YIPF4: variants seen among roughly 807,000 people sequenced by gnomAD.
YIPF4 encodes the protein Yip1 domain family member 4.
Under a neutral mutation model 29.4 loss-of-function variants are expected in YIPF4, and 18 were observed. The ratio of observed to expected loss-of-function variants is 0.61; its 90% CI spans 0.42 to 0.91. The LOEUF is 0.91. YIPF4 is among the 40% of genes least tolerant of loss of function. The pLI, the probability that YIPF4 is intolerant of heterozygous loss-of-function variation, is 0.00. For synonymous variants in YIPF4, 115 were observed against 104.7 expected, an observed-to-expected ratio of 1.10 and a Z score of -0.60; for missense variants, 279 against 282.7, an observed-to-expected ratio of 0.99 and a Z score of 0.09.
At chr2:32,294,823 C>G (rs914142984) in intron 3 of YIPF4, among the ~76,000 whole-genome samples, 2 of 152,206 alleles carry the variant, frequency 1.3e-5, no homozygotes, top group African/African-American at 2.4e-5. Context: ...CCGGCACCTC[C>G]GGAGGCCGAG....
At chr2:32,294,623 T>C (rs2031094361) in intron 3 of YIPF4, among the ~76,000 whole-genome samples, 3 of 137,288 alleles carry the variant, frequency 2.2e-5, no homozygotes, top group Admixed American at 7.3e-5. Flanking sequence ...TCCCAGACGA[T>C]GGGCGGCCAG....
chr2:32,289,106 C>T (rs1248438082), intron 1 of YIPF4, among the ~76,000 whole-genome samples: 1 of 152,146 alleles, frequency 6.6e-6, no homozygotes, highest in East Asian at 1.9e-4. Context: ...ATAACATGTA[C>T]AGGGATTATT....
Position 32,305,573 on chromosome 2 carries a change from T to C in YIPF4, c.682T>C (p.Tyr228His). 6.2e-7 allele frequency: 1 copy of C among 1,610,136 alleles called. No individual in the cohort carries two copies. The stretch of plus-strand genomic sequence containing the variant: ...CAAGACCAAAAAGCCTCTTCTGATT[T>C]ATCCAATCTTTTTATTATACATTTA... ...EFKTKKPLLI[Y>H]PIFLLYIYFL... is the part of the protein sequence containing the mutation. The change falls in exon 6 of 6, where the codon TAT becomes CAT. Residue 228 changes from tyrosine (Y) to histidine (H), a missense_variant. Transcript: ENST00000238831.
At chr2:32,300,892 A>G (rs2031381508) in intron 4 of YIPF4, among the ~76,000 whole-genome samples, 2 of 152,238 alleles carry the variant, frequency 1.3e-5, no homozygotes, top group African/African-American at 4.8e-5. Flanking sequence ...CAGCATGTGA[A>G]GCCCTATCAC....
In YIPF4 at chr2:32,278,147, C is replaced by G. The variant is rs572126552; in HGVS notation, c.-9C>G. On this transcript the variant is annotated 5_prime_UTR_variant, in exon 1 of 6. Transcript: ENST00000238831. ...TCTTCTACCGCGGCCGGTTGGGAGT[C>G]GCCGCGAGATGCAGCCTCCGGGCCC... is the stretch of plus-strand genomic sequence containing the variant. 2 of 1,552,508 alleles carry G rather than the reference C, an allele frequency of 1.3e-6. No individual in the cohort carries two copies. Among genetic ancestry groups the G allele is most frequent in the Non-Finnish European group, 1.7e-6 (2 of 1,149,888 alleles).
Position 32,290,938 on chromosome 2 carries a change from A to G in YIPF4, c.233+302A>G, listed in dbSNP as rs116069424. On this transcript the variant is annotated intron_variant, in intron 2 of 5. Transcript: ENST00000238831. ...TGCAATTTAAAAAAGCAGGGCTCTTAGGTACTAGCTGTTGAAATTAAGGTT... is the reference window on the plus strand; with the variant it reads ...TGCAATTTAAAAAAGCAGGGCTCTTGGGTACTAGCTGTTGAAATTAAGGTT... The G allele has an allele frequency of 3.4e-3, 541 of 161,216 alleles. 6 individuals carry two copies. Among genetic ancestry groups the G allele is most frequent in the African/African-American group, 0.012 (511 of 41,910 alleles). 10.0% of individuals were successfully genotyped at this position (161,216 alleles called of 1,614,324 possible).
At chr2:32,298,966 C>T (rs1402465196) in intron 4 of YIPF4, among the ~76,000 whole-genome samples, 5 of 151,992 alleles carry the variant, frequency 3.3e-5, no homozygotes, top group African/African-American at 4.8e-5. Context: ...CTACCTCCAC[C>T]TCCTGGGTTC....
At chr2:32,280,671 C>G (rs186825033) in intron 1 of YIPF4, among the ~76,000 whole-genome samples, 1 of 152,070 alleles carries the variant, frequency 6.6e-6, no homozygotes, top group African/African-American at 2.4e-5. Flanking sequence ...CGTGAGCCAC[C>G]GCGCCCGGCC....
Position 32,290,562 on chromosome 2 carries a change from A to C in YIPF4, c.159A>C (p.Thr53=). The change falls in exon 2 of 6, where the codon ACA becomes ACC. Residue 53 remains threonine, a synonymous_variant. Transcript: ENST00000238831. ...TTATCAAAGAATCTACAGCTACTAC[A>C]TTTCTGAGACAAAGAGGTTATGGCT... ...GDFIKESTAT[T]FLRQRGYGWL... The C allele has an allele frequency of 6.3e-7, 1 of 1,591,556 alleles. No homozygotes were observed.
rs761741807 is a variant in YIPF4 at position 32,307,144 on chromosome 2, T to A, written c.*1518T>A. 278 of 1,297,458 alleles carry A rather than the reference T, an allele frequency of 2.1e-4. No individual in the cohort carries two copies. The highest frequency in any genetic ancestry group is 2.7e-4 in the Non-Finnish European group (265 of 986,740). The allele number at this position is 1,297,458 out of a possible 1,614,324, so 80.4% of individuals were successfully genotyped here. ...GGGACAGGACTTCTAGAAGTTAGAA[T>A]AATATGAAGTAATCAGGAAATATCT... is the stretch of plus-strand genomic sequence containing the variant. On this transcript the variant is annotated 3_prime_UTR_variant, in exon 6 of 6. Coordinates refer to ENST00000238831, the MANE Select transcript of YIPF4 (RefSeq NM_032312.4).
At position 32,284,108 on chromosome 2, in the gene YIPF4, T is replaced by G. The variant is rs1193432189; in HGVS notation, c.79+5874T>G. ...TTCAATAAGCATGCACATTTGTTGA[T>G]TGCCTACTATGGATCAGGCACTATT... On this transcript the variant is annotated intron_variant, in intron 1 of 5. Coordinates refer to ENST00000238831, the MANE Select transcript of YIPF4 (RefSeq NM_032312.4). Among the ~76,000 whole-genome samples, 3 of 152,288 alleles carry G rather than the reference T, an allele frequency of 2.0e-5. No individual in the cohort carries two copies. The East Asian group carries it at 5.8e-4, about 29-fold the overall frequency.
intron 2 of YIPF4, among the ~76,000 whole-genome samples, chr2:32,291,637 C>T (rs998898401): frequency 1.1e-4 from 16 of 152,042 alleles, no homozygotes; most frequent in African/African-American, 3.6e-4. Context: ...CAGAAAAGTG[C>T]GTAAGACGGC....
At position 32,305,661 on chromosome 2, in the gene YIPF4, A is replaced by AAT; in HGVS notation, c.*36_*37insTA. The AAT allele has an allele frequency of 6.8e-7, 1 of 1,467,912 alleles. No individual in the cohort carries two copies. Among genetic ancestry groups the AAT allele is most frequent in the Non-Finnish European group, 9.0e-7 (1 of 1,108,412 alleles). 90.9% of individuals were successfully genotyped at this position (1,467,912 alleles called of 1,614,324 possible). A position where few individuals can be genotyped will look rare whatever the true frequency, so the allele number is the denominator to read the frequency against. ...TACATGAATAGAAAAAGATGGTGTT[A>AAT]AATTTGTGTGTAGGCTGGGAATTCT... On this transcript the variant is annotated 3_prime_UTR_variant, in exon 6 of 6. Coordinates refer to ENST00000238831, the MANE Select transcript of YIPF4 (RefSeq NM_032312.4).
Position 32,310,775 on chromosome 2 carries a change from G to A in YIPF4, c.*5149G>A, listed in dbSNP as rs2148970106. ...TGTGGTCCCAGCTACTCAGGAGGCT[G>A]TGAGGCAGGAGAATTGCTTGAGCCT... On this transcript the variant is annotated 3_prime_UTR_variant, in exon 6 of 6. Transcript: ENST00000238831. 1 of 152,274 alleles carries A rather than the reference G, an allele frequency of 6.6e-6. No individual in the cohort carries two copies. The highest frequency in any genetic ancestry group is 1.9e-4 in the East Asian group (1 of 5,172). The allele number at this position is 152,274 out of a possible 1,614,324, so 9.4% of individuals were successfully genotyped here.
At position 32,307,238 on chromosome 2, in the gene YIPF4, T is replaced by C; in HGVS notation, c.*1612T>C. The C allele has an allele frequency of 1.1e-6, 1 of 873,436 alleles. No homozygotes were observed. The highest frequency in any genetic ancestry group is 1.7e-5 in the South Asian group (1 of 57,880). The allele number at this position is 873,436 out of a possible 1,614,324, so 54.1% of individuals were successfully genotyped here. A position where few individuals can be genotyped will look rare whatever the true frequency, so the allele number is the denominator to read the frequency against. On this transcript the variant is annotated 3_prime_UTR_variant, in exon 6 of 6. Coordinates refer to ENST00000238831, the MANE Select transcript of YIPF4 (RefSeq NM_032312.4). ...TTAAGAAATTGCTGAGGTTAATACT[T>C]TGTTATAATGGATTATAATATTTGA...
intron 1 of YIPF4, among the ~76,000 whole-genome samples, chr2:32,281,780 A>C (rs2030426722): frequency 6.6e-6 from 1 of 151,752 alleles, no homozygotes; most frequent in African/African-American, 2.4e-5. Context: ...TCCCAATCCC[A>C]GCTACCTAGG....
chr2:32,298,963 C>T (rs184792436), intron 4 of YIPF4, among the ~76,000 whole-genome samples: 187 of 152,076 alleles, frequency 1.2e-3, no homozygotes, highest in African/African-American at 4.1e-3. Context: ...CTGCTACCTC[C>T]ACCTCCTGGG....
intron 4 of YIPF4, among the ~76,000 whole-genome samples, chr2:32,299,428 T>C (rs1288748731): frequency 6.6e-6 from 1 of 152,226 alleles, no homozygotes; most frequent in Non-Finnish European, 1.5e-5. Flanking sequence ...TTGGCTAAAG[T>C]ATCTGAAGAA....
chr2:32,294,565 C>T (rs916894380), intron 3 of YIPF4, among the ~76,000 whole-genome samples: 9 of 150,366 alleles, frequency 6.0e-5, no homozygotes, highest in South Asian at 2.1e-4. Context: ...CGGGCAGAGA[C>T]GCTCCTCACT....
Sources: gnomAD v4.1 joint callset for allele counts (sites outside exome capture counted in the v4.1 genomes callset) on GRCh38, gnomAD v4.1.1 for gene constraint, MANE v1.5 for transcripts, NCBI Gene and HGNC (gene_info 2026-07-23, HGNC 2026-07-21) for gene names.